ZNF626: variants seen among roughly 807,000 people sequenced by gnomAD.
ZNF626 encodes zinc finger protein 626.
Under a neutral mutation model 11.7 loss-of-function variants are expected in ZNF626, and 4 were observed. The observed-to-expected ratio is 0.34, with a 90% CI of 0.17 to 0.78. ZNF626 has a LOEUF of 0.78. Among genes scored for constraint, ZNF626 ranks in the 30% least tolerant of loss-of-function variants. The pLI is 0.57. For missense variants in ZNF626, 588 were observed against 587.1 expected (o/e 1.00, Z -0.01); for synonymous variants, 179 against 198.6 (o/e 0.90, Z 0.83).
chr19:20,653,860 T>C (rs1298709223), intron 1 of ZNF626, among the ~76,000 whole-genome samples: 1 of 152,140 alleles, frequency 6.6e-6, no homozygotes, highest in Non-Finnish European at 1.5e-5. Context: ...ATATTAGAAC[T>C]TGCAACATAG....
In ZNF626 at chr19:20,625,158, T is replaced by C. The variant is rs1599470369; in HGVS notation, c.719A>G (p.His240Arg). Residue 240 changes from histidine (H) to arginine (R), a missense_variant, in exon 4 of 4, where the codon CAC becomes CGC. By Grantham distance (29) the His-to-Arg change is conservative. Coordinates refer to ENST00000601440, the MANE Select transcript of ZNF626 (RefSeq NM_001076675.3). ...KCEECGKAFKHSSTLTTHKRN... is the reference protein window; with the variant it reads ...KCEECGKAFKRSSTLTTHKRN... ...CTTATGTGTAGTAAGAGTGGAGGAG[T>C]GCTTAAAGGCTTTGCCACATTCTTC... 3.1e-6 allele frequency: 5 copies of C among 1,612,624 alleles called. No homozygotes were observed. The highest frequency in any genetic ancestry group is 2.2e-5 in the East Asian group (1 of 44,772).
In ZNF626 at chr19:20,620,802, G is replaced by C. The variant is rs1431746742; in HGVS notation, c.*3488C>G. 6.6e-6 allele frequency: 1 copy of C among 151,222 alleles called. No individual in the cohort carries two copies. Among genetic ancestry groups the C allele is most frequent in the Non-Finnish European group, 1.5e-5 (1 of 67,998 alleles). 9.4% of individuals were successfully genotyped at this position (151,222 alleles called of 1,614,324 possible). ...CACACCTGCCTCAGCCTCCGAAATT[G>C]CTGGGATAATAGGCATGAGGCACTG... On this transcript the variant is annotated 3_prime_UTR_variant, in exon 4 of 4. Coordinates refer to ENST00000601440, the MANE Select transcript of ZNF626 (RefSeq NM_001076675.3).
At chr19:20,638,630 A>G (rs554649094) in intron 3 of ZNF626, among the ~76,000 whole-genome samples, 29 of 151,988 alleles carry the variant, frequency 1.9e-4, no homozygotes, top group Non-Finnish European at 3.8e-4. Flanking sequence ...AGTCATAATT[A>G]GACATAACAT....
intron 3 of ZNF626, among the ~76,000 whole-genome samples, chr19:20,629,852 G>C (rs1294986285): frequency 6.6e-6 from 1 of 152,152 alleles, no homozygotes; most frequent in Non-Finnish European, 1.5e-5. Context: ...TCCCTGTCTT[G>C]TGCCAGTTTT....
Position 20,625,726 on chromosome 19 carries a change from T to C in ZNF626, c.227-76A>G, listed in dbSNP as rs951518543. ...TATAAATATATATATGCAGTTTGTA[T>C]AGTTTTATACAAACTACATAAGCAA... On this transcript the variant is annotated intron_variant, in intron 3 of 3. Coordinates refer to ENST00000601440, the MANE Select transcript of ZNF626 (RefSeq NM_001076675.3). 6 of 1,414,450 alleles carry C rather than the reference T, an allele frequency of 4.2e-6. No homozygotes were observed. The African/African-American group carries it at 7.3e-5, about 17-fold the overall frequency. 87.6% of individuals were successfully genotyped at this position (1,414,450 alleles called of 1,614,324 possible).
In ZNF626 at chr19:20,623,643, A is replaced by G. The variant is rs1340444171; in HGVS notation, c.*647T>C. The stretch of plus-strand genomic sequence containing the variant: ...GTGTAACCTTGTCTCTACTAAAAAT[A>G]CAAAAGTTAGCTGGGCATGGGGGTG... On this transcript the variant is annotated 3_prime_UTR_variant, in exon 4 of 4. Coordinates refer to ENST00000601440, the MANE Select transcript of ZNF626 (RefSeq NM_001076675.3). The G allele has an allele frequency of 5.6e-6, 1 of 178,814 alleles. No individual in the cohort carries two copies. Among genetic ancestry groups the G allele is most frequent in the Non-Finnish European group, 1.2e-5 (1 of 84,566 alleles). 11.1% of individuals were successfully genotyped at this position (178,814 alleles called of 1,614,324 possible). A position where few individuals can be genotyped will look rare whatever the true frequency, so the allele number is the denominator to read the frequency against.
chr19:20,636,349 T>C (rs144439594), intron 3 of ZNF626, among the ~76,000 whole-genome samples: 13 of 152,094 alleles, frequency 8.5e-5, no homozygotes, highest in African/African-American at 2.6e-4. Flanking sequence ...AATTATAAAC[T>C]AAAAAATATA....
chr19:20,621,290 C>T lies in ZNF626; in HGVS notation c.*3000G>A, dbSNP rs1480574897. 1.3e-5 allele frequency: 2 copies of T among 152,096 alleles called. No individual in the cohort carries two copies. Among genetic ancestry groups the T allele is most frequent in the African/African-American group, 4.8e-5 (2 of 41,402 alleles). 9.4% of individuals were successfully genotyped at this position (152,096 alleles called of 1,614,324 possible). Reference sequence around the variant, plus strand: ...AATACGGGTGCACCACCATGCCCAACTAATTTTTGTTGTTTTAGTAGAGAG... The same window carrying T: ...AATACGGGTGCACCACCATGCCCAATTAATTTTTGTTGTTTTAGTAGAGAG... On this transcript the variant is annotated 3_prime_UTR_variant, in exon 4 of 4. Transcript: ENST00000601440.
intron 3 of ZNF626, among the ~76,000 whole-genome samples, chr19:20,627,670 TA>T (rs35913251): frequency 6.6e-6 from 1 of 152,138 alleles, no homozygotes; most frequent in Admixed American, 6.5e-5. Context: ...TAAAAAATTT[TA>T]AAAATCAAGA....
intron 3 of ZNF626, among the ~76,000 whole-genome samples, chr19:20,637,926 T>A (rs550852674): frequency 1.3e-5 from 2 of 152,206 alleles, no homozygotes; most frequent in South Asian, 2.1e-4. Flanking sequence ...GATCACTTGA[T>A]CCCAGGAGTT....
chr19:20,650,530 G>C (rs782537911), intron 1 of ZNF626, among the ~76,000 whole-genome samples: 1 of 152,070 alleles, frequency 6.6e-6, no homozygotes, highest in Non-Finnish European at 1.5e-5. Flanking sequence ...CTAAGCACCA[G>C]CTCTAGAAAG....
rs1555768856 is a variant in ZNF626 at position 20,622,553 on chromosome 19, A to G, written c.*1737T>C. 1 of 149,342 alleles carries G rather than the reference A, an allele frequency of 6.7e-6. No homozygotes were observed. The highest frequency in any genetic ancestry group is 2.4e-5 in the African/African-American group (1 of 40,822). The allele number at this position is 149,342 out of a possible 1,614,324, so 9.3% of individuals were successfully genotyped here. On this transcript the variant is annotated 3_prime_UTR_variant, in exon 4 of 4. Transcript: ENST00000601440. ...TCACATACTTTCACGTGAATATAAT[A>G]AAGTAACAGCATAATTTGAAAGCTG... is the stretch of plus-strand genomic sequence containing the variant.
At position 20,642,982 on chromosome 19, in the gene ZNF626, G is replaced by A. The variant is rs559570692; in HGVS notation, c.226+2702C>T. Among the ~76,000 whole-genome samples, 3 of 149,380 alleles carry A rather than the reference G, an allele frequency of 2.0e-5. No individual in the cohort carries two copies. The East Asian group carries it at 6.0e-4, about 30-fold the overall frequency. ...GCCAAGATCGCACCACTGCACTCCA[G>A]TCTGGATGAGAGAGGGTAACTCCTT... On this transcript the variant is annotated intron_variant, in intron 3 of 3. Coordinates refer to ENST00000601440, the MANE Select transcript of ZNF626 (RefSeq NM_001076675.3).
At position 20,624,071 on chromosome 19, in the gene ZNF626, G is replaced by T. The variant is rs551069963; in HGVS notation, c.*219C>A. 5.9e-5 allele frequency: 48 copies of T among 815,326 alleles called. 1 individual carries two copies. In the East Asian group the frequency reaches 7.8e-4, roughly 13 times the overall value. The allele number at this position is 815,326 out of a possible 1,614,324, so 50.5% of individuals were successfully genotyped here. On this transcript the variant is annotated 3_prime_UTR_variant, in exon 4 of 4. Transcript: ENST00000601440. The stretch of plus-strand genomic sequence containing the variant: ...TGTGCAGTAAGGTGTGAGGATAGGT[G>T]AAAAGCTTTACCACATTATTCACAT...
At chr19:20,654,678 C>T (rs1011027383) in intron 1 of ZNF626, among the ~76,000 whole-genome samples, 6 of 151,178 alleles carry the variant, frequency 4.0e-5, no homozygotes, top group Non-Finnish European at 5.9e-5. Flanking sequence ...CACTCCAGCC[C>T]GGACGACAGA....
chr19:20,653,219 T>G (rs1209625329), intron 1 of ZNF626, among the ~76,000 whole-genome samples: 1 of 152,180 alleles, frequency 6.6e-6, no homozygotes, highest in African/African-American at 2.4e-5. Flanking sequence ...AATTCTAGAC[T>G]GTTTGGAAAC....
chr19:20,653,769 CT>C (rs1970174814), intron 1 of ZNF626, among the ~76,000 whole-genome samples: 1 of 152,040 alleles, frequency 6.6e-6, no homozygotes. Context: ...GAATGGGGGT[CT>C]ATATTGAAAT....
In ZNF626 at chr19:20,625,027, G is replaced by A; in HGVS notation, c.850C>T (p.Pro284Ser). ...KHEIIHTEKK[P>S]YKCEECGKAF... is the part of the protein sequence containing the mutation. ...TTGCCACATTCTTCACATTTGTAGG[G>A]TTTCTTTTCCGTATGAATTATCTCA... The change falls in exon 4 of 4, where the codon CCC becomes TCC. Residue 284 changes from proline to serine, a missense_variant. Around this residue, in one of 4 missense-constraint regions of ZNF626, gnomAD observed 524 missense variants for 470.1 expected, o/e 1.11. Coordinates refer to ENST00000601440, the MANE Select transcript of ZNF626 (RefSeq NM_001076675.3). 1.2e-6 allele frequency: 2 copies of A among 1,613,838 alleles called. No homozygotes were observed. The highest frequency in any genetic ancestry group is 2.2e-5 in the South Asian group (2 of 91,052).
In ZNF626 at chr19:20,621,783, A is replaced by ATG. The variant is rs1969760849; in HGVS notation, c.*2506_*2507insCA. Reference sequence around the variant, plus strand: ...GACATTCCACTACATACCAAATAGTATACTTCTTCCATCTTTTGCTTACAC... The same window carrying ATG: ...GACATTCCACTACATACCAAATAGTATGTACTTCTTCCATCTTTTGCTTACAC... On this transcript the variant is annotated 3_prime_UTR_variant, in exon 4 of 4. Transcript: ENST00000601440. The ATG allele has an allele frequency of 6.6e-6, 1 of 152,242 alleles. No homozygotes were observed. Among genetic ancestry groups the ATG allele is most frequent in the Non-Finnish European group, 1.5e-5 (1 of 68,040 alleles). 9.4% of individuals were successfully genotyped at this position (152,242 alleles called of 1,614,324 possible).
Sources: gnomAD v4.1 joint callset for allele counts (sites outside exome capture counted in the v4.1 genomes callset) on GRCh38, gnomAD v4.1.1 for gene constraint, gnomAD v4.1.1 regional missense constraint, MANE v1.5 for transcripts, NCBI Gene and HGNC (gene_info 2026-07-23, HGNC 2026-07-21) for gene names.